The following GFPT1 variants were observed in gnomAD, a reference collection of about 807,000 sequenced individuals.
GFPT1 encodes glutamine--fructose-6-phosphate aminotransferase [isomerizing] 1.
In GFPT1, 40 loss-of-function variants were observed where a neutral mutation model predicts 92.0. The ratio of observed to expected loss-of-function variants is 0.43; its 90% CI spans 0.34 to 0.57. The LOEUF (loss-of-function observed/expected upper bound fraction) is 0.57. Ranked by LOEUF, GFPT1 falls within the 20% of genes least tolerant of loss-of-function variation. The pLI is 0.02. For synonymous variants in GFPT1, 269 were observed against 280.6 expected (o/e 0.96, Z 0.41); for missense variants, 448 against 869.1 (o/e 0.52, Z 6.09).
At chr2:69,353,415 T>C (rs1671259551) in intron 9 of GFPT1, among the ~76,000 whole-genome samples, 1 of 152,174 alleles carries the variant, frequency 6.6e-6, no homozygotes, top group African/African-American at 2.4e-5. Flanking sequence ...ATGCCTGTGG[T>C]CCCAGCTACT....
At chr2:69,364,578 T>C (rs1671562109) in intron 3 of GFPT1, among the ~76,000 whole-genome samples, 1 of 152,258 alleles carries the variant, frequency 6.6e-6, no homozygotes, top group African/African-American at 2.4e-5. Flanking sequence ...TACACACGTC[T>C]CACAATAGAA....
In GFPT1 at chr2:69,387,201, G is replaced by T; in HGVS notation, c.-130C>A. ...GCGCCGACACGACTCCCTCGGGGAT[G>T]CGACGGCCAAGGCAACGACAGCCTT... On this transcript the variant is annotated 5_prime_UTR_variant, in exon 1 of 20. Transcript: ENST00000357308. The T allele has an allele frequency of 9.6e-7, 1 of 1,045,336 alleles. No individual in the cohort carries two copies. Among genetic ancestry groups the T allele is most frequent in the Non-Finnish European group, 1.3e-6 (1 of 752,520 alleles). 64.8% of individuals were successfully genotyped at this position (1,045,336 alleles called of 1,614,324 possible). A position where few individuals can be genotyped will look rare whatever the true frequency, so the allele number is the denominator to read the frequency against.
chr2:69,340,896 G>T (rs1383179052), intron 13 of GFPT1, among the ~76,000 whole-genome samples: 1 of 152,042 alleles, frequency 6.6e-6, no homozygotes, highest in East Asian at 1.9e-4. Context: ...TGAATACAGG[G>T]CTCATTCAGT....
intron 19 of GFPT1, among the ~76,000 whole-genome samples, chr2:69,326,450 G>C (rs922261933): frequency 6.6e-6 from 1 of 152,122 alleles, no homozygotes; most frequent in Non-Finnish European, 1.5e-5. Flanking sequence ...GCATTCTAAA[G>C]GTGCCAGTTC....
intron 1 of GFPT1, among the ~76,000 whole-genome samples, chr2:69,376,652 T>G (rs1035369131): frequency 1.3e-5 from 2 of 152,232 alleles, no homozygotes; most frequent in African/African-American, 4.8e-5. Flanking sequence ...GAGGATTGTT[T>G]GCAGATTGTC....
chr2:69,328,842 A>AT (rs1670594057), intron 17 of GFPT1, among the ~76,000 whole-genome samples: 2 of 151,834 alleles, frequency 1.3e-5, no homozygotes, highest in African/African-American at 4.8e-5. Flanking sequence ...CTGGGATTAT[A>AT]GTCATGCATT....
intron 13 of GFPT1, among the ~76,000 whole-genome samples, chr2:69,341,141 A>G (rs1391143089): frequency 6.6e-6 from 1 of 151,096 alleles, no homozygotes; most frequent in Non-Finnish European, 1.5e-5. Flanking sequence ...TTTTTTTGGT[A>G]GAGACGGGGT....
intron 1 of GFPT1, among the ~76,000 whole-genome samples, chr2:69,376,900 G>A (rs1218933323): frequency 2.0e-5 from 3 of 152,122 alleles, no homozygotes; most frequent in African/African-American, 7.2e-5. Flanking sequence ...ACAATTTATA[G>A]ACTCTACTTT....
chr2:69,368,854 T>C (rs1671673472), intron 3 of GFPT1, among the ~76,000 whole-genome samples: 1 of 152,182 alleles, frequency 6.6e-6, no homozygotes. Context: ...ACCAATACTG[T>C]AAATAAAAAG....
intron 1 of GFPT1, among the ~76,000 whole-genome samples, chr2:69,375,212 A>T (rs1421231010): frequency 6.6e-6 from 1 of 151,904 alleles, no homozygotes; most frequent in Non-Finnish European, 1.5e-5. Flanking sequence ...AGACTAAATT[A>T]TATAAAATAT....
intron 2 of GFPT1, 38 bp from the exon 3 acceptor site, chr2:69,370,146 C>T (rs1219690051): frequency 3.4e-6 from 4 of 1,183,676 alleles, no homozygotes; most frequent in Non-Finnish European, 5.1e-6. Context: ...AATTTAGAAA[C>T]TGGCTACTGA....
At chr2:69,339,953 C>T (rs1670898643) in intron 13 of GFPT1, among the ~76,000 whole-genome samples, 1 of 151,854 alleles carries the variant, frequency 6.6e-6, no homozygotes, top group Non-Finnish European at 1.5e-5. Flanking sequence ...TAAACCAAAC[C>T]TTTTCACCCA....
At chr2:69,375,741 T>C in intron 1 of GFPT1, among the ~76,000 whole-genome samples, 1 of 152,206 alleles carries the variant, frequency 6.6e-6, no homozygotes, top group East Asian at 1.9e-4. Flanking sequence ...GGGTAGAACA[T>C]CTATCTTACA....
At chr2:69,348,705 C>T (rs1453343843) in intron 10 of GFPT1, among the ~76,000 whole-genome samples, 2 of 152,166 alleles carry the variant, frequency 1.3e-5, no homozygotes, top group Non-Finnish European at 2.9e-5. Flanking sequence ...ACTACTGCAG[C>T]GATCTCCCAA....
rs907545517 is a variant in GFPT1 at position 69,328,499 on chromosome 2, A to G, written c.1726-61T>C. On this transcript the variant is annotated intron_variant, in intron 17 of 19. Transcript: ENST00000357308. ...TTTTCAAAAATCCATGTTTAAGTAA[A>G]TATTATAAAAAGCATCTGATATGTC... 24 of 1,246,324 alleles carry G rather than the reference A, an allele frequency of 1.9e-5. No homozygotes were observed. In the Admixed American group the frequency reaches 2.2e-4, roughly 11 times the overall value. The allele number at this position is 1,246,324 out of a possible 1,614,324, so 77.2% of individuals were successfully genotyped here. A position where few individuals can be genotyped will look rare whatever the true frequency, so the allele number is the denominator to read the frequency against.
At position 69,326,050 on chromosome 2, in the gene GFPT1, A is replaced by G; in HGVS notation, c.*139T>C. 1.6e-6 allele frequency: 1 copy of G among 622,266 alleles called. No homozygotes were observed. Among genetic ancestry groups the G allele is most frequent in the Non-Finnish European group, 2.8e-6 (1 of 351,380 alleles). The allele number at this position is 622,266 out of a possible 1,614,324, so 38.5% of individuals were successfully genotyped here. ...TTCACAAAAATCACATATTGAGTGG[A>G]ATAATTATAACTGATATATAAATAA... On this transcript the variant is annotated 3_prime_UTR_variant, in exon 20 of 20. Coordinates refer to ENST00000357308, the MANE Select transcript of GFPT1 (RefSeq NM_001244710.2).
intron 4 of GFPT1, among the ~76,000 whole-genome samples, chr2:69,362,367 T>C (rs1161728876): frequency 6.6e-6 from 1 of 152,200 alleles, no homozygotes; most frequent in East Asian, 1.9e-4. Context: ...GCTCAGGCAA[T>C]CCCTCCATCT....
intron 1 of GFPT1, 104 bp downstream of exon 1, chr2:69,386,961 A>G: frequency 1.1e-6 from 1 of 924,358 alleles, no homozygotes; most frequent in Non-Finnish European, 1.7e-6. Context: ...CAGACTTCGC[A>G]CCCTCCACAC....
In GFPT1 at chr2:69,323,138, A is replaced by G. The variant is rs1244192440; in HGVS notation, c.*3051T>C. ...TTCTTATGGCACAGAATTTATTTTA[A>G]AAGACTGAAAAACTGATTCCAATGT... On this transcript the variant is annotated 3_prime_UTR_variant, in exon 20 of 20. Transcript: ENST00000357308. 1 of 152,220 alleles carries G rather than the reference A, an allele frequency of 6.6e-6. No homozygotes were observed. Among genetic ancestry groups the G allele is most frequent in the African/African-American group, 2.4e-5 (1 of 41,454 alleles). The allele number at this position is 152,220 out of a possible 1,614,324, so 9.4% of individuals were successfully genotyped here.
Sources: allele counts gnomAD v4.1 joint callset (sites outside exome capture counted in the v4.1 genomes callset), GRCh38; gene constraint gnomAD v4.1.1; transcripts MANE v1.5; gene names NCBI Gene and HGNC (gene_info 2026-07-23, HGNC 2026-07-21).